BIRC6: variants seen among roughly 807,000 people sequenced by gnomAD.
BIRC6 encodes baculoviral IAP repeat containing 6.
Under a neutral mutation model 503.3 loss-of-function variants are expected in BIRC6, and 98 were observed. The observed-to-expected ratio is 0.19, with a 90% CI of 0.17 to 0.23. BIRC6 has a LOEUF of 0.23. Ranked by LOEUF, BIRC6 falls within the 10% of genes least tolerant of loss-of-function variation. The pLI, the probability that BIRC6 is intolerant of heterozygous loss-of-function variation, is 1.00. For synonymous variants in BIRC6, 2,240 were observed against 2,078.7 expected (o/e 1.08, Z -2.11); for missense variants, 5,360 against 5,806.0 (o/e 0.92, Z 2.50).
intron 66 of BIRC6, among the ~76,000 whole-genome samples, chr2:32,592,280 A>G (rs796980626): frequency 6.6e-6 from 1 of 152,326 alleles, no homozygotes; most frequent in African/African-American, 2.4e-5. Flanking sequence ...GAAGATAAGA[A>G]GAGAGCACAG....
intron 17 of BIRC6, 129 bp from the exon 18 acceptor site, chr2:32,441,936 A>G (rs1008817737): frequency 3.2e-6 from 2 of 634,622 alleles, no homozygotes; most frequent in South Asian, 4.3e-5. Context: ...ACATATAGCT[A>G]TTGATTGTTT....
In BIRC6 at chr2:32,509,983, G is replaced by A. The variant is rs774840576; in HGVS notation, c.10226G>A (p.Ser3409Asn). The A allele has an allele frequency of 2.5e-6, 4 of 1,613,834 alleles. No homozygotes were observed. Among genetic ancestry groups the A allele is most frequent in the Admixed American group, 1.7e-5 (1 of 59,990 alleles). ...ILLRNCAASG[S>N]DPTDLNSPLL... ...CTGAGAAATTGTGCAGCATCAGGCA[G>A]TGATCCTACAGGTGATAATTAACTT... The change falls in exon 52 of 74, where the codon AGT (serine) becomes AAT (asparagine). Residue 3409 changes from serine to asparagine, a missense_variant. Ser to Asn is a conservative substitution (Grantham distance 46). This residue lies in a region of BIRC6 where 878 missense variants were observed against 928.9 expected (regional missense o/e 0.95). Coordinates refer to ENST00000421745, the MANE Select transcript of BIRC6 (RefSeq NM_016252.4).
At chr2:32,365,680 A>G (rs1376071857) in intron 1 of BIRC6, among the ~76,000 whole-genome samples, 4 of 152,036 alleles carry the variant, frequency 2.6e-5, no homozygotes, top group South Asian at 2.1e-4. Context: ...TGTCTGCCTT[A>G]TGTAGGTAAC....
At chr2:32,611,047 C>T (rs1052420337) in intron 72 of BIRC6, among the ~76,000 whole-genome samples, 3 of 151,768 alleles carry the variant, frequency 2.0e-5, no homozygotes, top group Admixed American at 6.6e-5. Flanking sequence ...TATTTCAACA[C>T]GTCATATCAA....
Position 32,433,710 on chromosome 2 carries a change from C to A in BIRC6, c.3315C>A (p.Asp1105Glu). The A allele has an allele frequency of 1.2e-6, 2 of 1,606,392 alleles. No homozygotes were observed. The highest frequency in any genetic ancestry group is 8.5e-7 in the Non-Finnish European group (1 of 1,174,502). The change falls in exon 13 of 74, where the codon GAC becomes GAA. Residue 1105 changes from aspartate to glutamate, a missense_variant. Physicochemically the swap from Asp to Glu is conservative, Grantham distance 45 (BLOSUM62 2). Coordinates refer to ENST00000421745, the MANE Select transcript of BIRC6 (RefSeq NM_016252.4). Reference sequence around the variant, plus strand: ...AAGCTTGTATGGTTGGACATGTGGACTTCAAATTCGTTTTGAACTCAAACA... The same window carrying A: ...AAGCTTGTATGGTTGGACATGTGGAATTCAAATTCGTTTTGAACTCAAACA... ...LPKACMVGHV[D>E]FKFVLNSNIT...
chr2:32,573,999 G>C (rs1252260821), intron 65 of BIRC6, among the ~76,000 whole-genome samples: 1 of 150,854 alleles, frequency 6.6e-6, no homozygotes, highest in Admixed American at 6.6e-5. Flanking sequence ...ACTTTTTTTT[G>C]TTTTCCAAAA....
intron 1 of BIRC6, among the ~76,000 whole-genome samples, chr2:32,365,738 C>T (rs1426795688): frequency 6.6e-6 from 1 of 152,062 alleles, no homozygotes; most frequent in South Asian, 2.1e-4. Flanking sequence ...TTTTAAAGTA[C>T]AAGAACTCCC....
intron 66 of BIRC6, among the ~76,000 whole-genome samples, chr2:32,578,995 TAATATA>T: frequency 1.8e-5 from 1 of 56,424 alleles, no homozygotes; most frequent in East Asian, 2.8e-4. Context: ...TATATACACT[TAATATA>T]TATATATACC....
At chr2:32,481,002 A>G (rs888254483) in intron 37 of BIRC6, among the ~76,000 whole-genome samples, 8 of 152,072 alleles carry the variant, frequency 5.3e-5, no homozygotes, top group African/African-American at 1.9e-4. Context: ...GGGTAACATT[A>G]CCTGTAATAA....
chr2:32,542,624 A>G (rs979656171), intron 61 of BIRC6, among the ~76,000 whole-genome samples: 4 of 152,220 alleles, frequency 2.6e-5, no homozygotes, highest in African/African-American at 7.2e-5. Flanking sequence ...AGGCACAATT[A>G]TAAAAATGCT....
intron 3 of BIRC6, among the ~76,000 whole-genome samples, chr2:32,385,396 CTTG>C (rs2149474009): frequency 6.6e-6 from 1 of 152,282 alleles, no homozygotes; most frequent in East Asian, 1.9e-4. Flanking sequence ...ATGAAGGATA[CTTG>C]TTGCTGGTGC....
In BIRC6 at chr2:32,444,899, C is replaced by G. The variant is rs549841694; in HGVS notation, c.4337-622C>G. Among the ~76,000 whole-genome samples the G allele has an allele frequency of 4.6e-5, 7 of 152,244 alleles. No individual in the cohort carries two copies. The South Asian group carries it at 1.2e-3, about 27-fold the overall frequency. On this transcript the variant is annotated intron_variant, in intron 20 of 73. Transcript: ENST00000421745. Reference sequence around the variant, plus strand: ...AACATTTTGACTCAGTTGCTCATTACGATAGTCTCTAATGTTTAAAAGCTT... The same window carrying G: ...AACATTTTGACTCAGTTGCTCATTAGGATAGTCTCTAATGTTTAAAAGCTT...
chr2:32,370,026 GTA>G (rs1271411354), intron 1 of BIRC6, among the ~76,000 whole-genome samples: 3 of 121,396 alleles, frequency 2.5e-5, no homozygotes, highest in Non-Finnish European at 3.3e-5. Flanking sequence ...ATATATGTAT[GTA>G]TATATATGTA....
chr2:32,493,426 C>T (rs531115227), intron 44 of BIRC6, 114 bp from the exon 45 acceptor site: 21 of 951,450 alleles, frequency 2.2e-5, no homozygotes, highest in Non-Finnish European at 2.7e-5. Context: ...TTGTTTTCCT[C>T]GTACGAAAAG....
At chr2:32,443,709 G>A in intron 20 of BIRC6, 121 bp downstream of exon 20, 1 of 778,336 alleles carries the variant, frequency 1.3e-6, no homozygotes, top group Non-Finnish European at 2.0e-6. Flanking sequence ...TGGCTTATCT[G>A]TATTTTTTGA....
intron 70 of BIRC6, among the ~76,000 whole-genome samples, chr2:32,600,399 A>G (rs1372983933): frequency 6.6e-6 from 1 of 152,198 alleles, no homozygotes; most frequent in Non-Finnish European, 1.5e-5. Context: ...ATGTTTTAAA[A>G]TCTAGAAGAG....
At chr2:32,517,898 T>A (rs751315365) in intron 55 of BIRC6, among the ~76,000 whole-genome samples, 54 of 152,170 alleles carry the variant, frequency 3.5e-4, no homozygotes, top group Admixed American at 6.5e-4. Flanking sequence ...AATATGCTTT[T>A]TCTCATAATT....
chr2:32,551,531 C>T (rs1364629305), intron 65 of BIRC6, among the ~76,000 whole-genome samples: 1 of 152,156 alleles, frequency 6.6e-6, no homozygotes. Flanking sequence ...ATCTGCCCAC[C>T]TTGGCCTCCA....
At position 32,491,449 on chromosome 2, in the gene BIRC6, C is replaced by G; in HGVS notation, c.8231C>G (p.Thr2744Ser). 1 of 1,612,166 alleles carries G rather than the reference C, an allele frequency of 6.2e-7. No individual in the cohort carries two copies. The highest frequency in any genetic ancestry group is 8.5e-7 in the Non-Finnish European group (1 of 1,179,186). The change falls in exon 44 of 74, where the codon ACT (threonine) becomes AGT (serine). Residue 2744 changes from threonine (T) to serine (S), a missense_variant. Physicochemically the swap from Thr to Ser is moderately conservative, Grantham distance 58. This residue lies in a region of BIRC6 where 2,299 missense variants were observed against 2,267.2 expected (regional missense o/e 1.01). Coordinates refer to ENST00000421745, the MANE Select transcript of BIRC6 (RefSeq NM_016252.4). Reference sequence around the variant, plus strand: ...GCTGGTTCCAGCAGTGCCATTGGAACTCAGGAGAGTACTGCTCATTTGTTG... The same window carrying G: ...GCTGGTTCCAGCAGTGCCATTGGAAGTCAGGAGAGTACTGCTCATTTGTTG... ...LNSGSSSAIG[T>S]QESTAHLLVS...
Sources: gnomAD v4.1 joint callset for allele counts (sites outside exome capture counted in the v4.1 genomes callset) on GRCh38, gnomAD v4.1.1 for gene constraint, gnomAD v4.1.1 regional missense constraint, MANE v1.5 for transcripts, NCBI Gene and HGNC (gene_info 2026-07-23, HGNC 2026-07-21) for gene names.